Variants in PTCHD4 observed in about 807,000 individuals in gnomAD.
The protein encoded by PTCHD4 is patched domain-containing protein 4.
A neutral mutation model predicts 58.1 loss-of-function variants in PTCHD4; 33 were observed. That is an observed-to-expected ratio of 0.57 (90% confidence interval 0.43 to 0.76). PTCHD4 has a LOEUF of 0.76. Among genes scored for constraint, PTCHD4 ranks in the 30% least tolerant of loss-of-function variants. The pLI is 0.00. For missense variants in PTCHD4, 1,058 were observed against 1,027.1 expected (o/e 1.03, Z -0.41); for synonymous variants, 478 against 409.6 (o/e 1.17, Z -2.02).
chr6:48,045,287 C>T (rs1208243624), intron 3 of PTCHD4, among the ~76,000 whole-genome samples: 1 of 151,730 alleles, frequency 6.6e-6, no homozygotes, highest in Non-Finnish European at 1.5e-5. Flanking sequence ...TGGCCTAATC[C>T]TTTACTATGG....
At chr6:47,936,164 C>T (rs765988680) in intron 4 of PTCHD4, among the ~76,000 whole-genome samples, 7 of 152,138 alleles carry the variant, frequency 4.6e-5, no homozygotes, top group Non-Finnish European at 8.8e-5. Flanking sequence ...AAACAAGAGG[C>T]TATTGCAGTC....
chr6:47,974,521 G>C (rs77668201), intron 4 of PTCHD4, among the ~76,000 whole-genome samples: 6 of 151,890 alleles, frequency 4.0e-5, no homozygotes, highest in East Asian at 1.9e-4. Context: ...GTTGTTGTGG[G>C]GGGGGCTGTC....
chr6:48,094,269 C>T (rs552437973), intron 1 of PTCHD4, among the ~76,000 whole-genome samples: 2 of 152,180 alleles, frequency 1.3e-5, no homozygotes, highest in East Asian at 3.9e-4. Context: ...ATGGCACAAC[C>T]AGAGGACTAA....
In PTCHD4 at chr6:48,063,021, G is replaced by T. The variant is rs183015238; in HGVS notation, c.417+5209C>A. Among the ~76,000 whole-genome samples, 104 of 152,232 alleles carry T rather than the reference G, an allele frequency of 6.8e-4. 1 individual carries two copies. The highest frequency in any genetic ancestry group is 2.4e-3 in the African/African-American group (100 of 41,544). On this transcript the variant is annotated intron_variant, in intron 3 of 4. Coordinates refer to ENST00000339488, the MANE Select transcript of PTCHD4 (RefSeq NM_001384253.1). ...CCAGTACAGAAACCTAGGTCTCATA[G>T]AACTCAGGTCTCCTGAATATTTCTC...
At chr6:47,945,921 A>T (rs1371963228) in intron 4 of PTCHD4, among the ~76,000 whole-genome samples, 1 of 151,766 alleles carries the variant, frequency 6.6e-6, no homozygotes, top group African/African-American at 2.4e-5. Flanking sequence ...TGTTTTCTTA[A>T]GTAGTATTTT....
intron 4 of PTCHD4, among the ~76,000 whole-genome samples, chr6:47,935,690 C>A (rs964375138): frequency 1.1e-4 from 17 of 151,978 alleles, no homozygotes; most frequent in Admixed American, 1.0e-3. Flanking sequence ...ATTTATTCAA[C>A]AAATATATAG....
chr6:48,059,739 G>A (rs937757301), intron 3 of PTCHD4, among the ~76,000 whole-genome samples: 1 of 152,114 alleles, frequency 6.6e-6, no homozygotes, highest in Non-Finnish European at 1.5e-5. Flanking sequence ...GACCTATGCT[G>A]ACTCTCAAGA....
chr6:47,916,189 C>T (rs1342248936), intron 4 of PTCHD4, among the ~76,000 whole-genome samples: 1 of 152,038 alleles, frequency 6.6e-6, no homozygotes, highest in Non-Finnish European at 1.5e-5. Context: ...CTGATATTCT[C>T]CTCTCGGTTC....
chr6:47,935,022 G>A (rs919016666), intron 4 of PTCHD4, among the ~76,000 whole-genome samples: 6 of 151,996 alleles, frequency 3.9e-5, no homozygotes, highest in African/African-American at 1.4e-4. Context: ...AATATCTTAT[G>A]TTACTTGTTT....
chr6:48,076,794 G>A (rs1271887871), intron 1 of PTCHD4, among the ~76,000 whole-genome samples: 1 of 152,184 alleles, frequency 6.6e-6, no homozygotes, highest in East Asian at 1.9e-4. Context: ...ATGAATTTAT[G>A]GAGAAAAAAG....
chr6:47,940,431 A>G (rs547441072), intron 4 of PTCHD4, among the ~76,000 whole-genome samples: 1 of 152,252 alleles, frequency 6.6e-6, no homozygotes, highest in African/African-American at 2.4e-5. Flanking sequence ...TTAAAAAAAG[A>G]GAGAGAGAGG....
At chr6:47,994,735 GGGACTTCTCTGCCTTGGCTGAAATGCTAC>G (rs1768414374) in intron 4 of PTCHD4, among the ~76,000 whole-genome samples, 1 of 152,206 alleles carries the variant, frequency 6.6e-6, no homozygotes, top group Non-Finnish European at 1.5e-5. Flanking sequence ...TTTCCTTGGA[GGGACTTCTCTGCCTTGGCTGAAATGCTAC>G]GGAAACACAG....
intron 1 of PTCHD4, among the ~76,000 whole-genome samples, chr6:48,076,292 A>G (rs975678922): frequency 1.3e-5 from 2 of 152,184 alleles, no homozygotes; most frequent in African/African-American, 4.8e-5. Context: ...TGCTTTCTCC[A>G]CTGAAGTCTT....
chr6:48,068,693 C>A lies in PTCHD4; in HGVS notation c.6-52G>T, dbSNP rs1323385084. 3 of 1,483,290 alleles carry A rather than the reference C, an allele frequency of 2.0e-6. No homozygotes were observed. Among genetic ancestry groups the A allele is most frequent in the South Asian group, 2.6e-5 (2 of 75,564 alleles). 91.9% of individuals were successfully genotyped at this position (1,483,290 alleles called of 1,614,324 possible). Reference sequence around the variant, plus strand: ...AGCGCCGGGCTACCCCGTTCTCCCCCATCCCACCCCCTGGGGCCAGTCCCC... The same window carrying A: ...AGCGCCGGGCTACCCCGTTCTCCCCAATCCCACCCCCTGGGGCCAGTCCCC... On this transcript the variant is annotated intron_variant, in intron 2 of 4. Coordinates refer to ENST00000339488, the MANE Select transcript of PTCHD4 (RefSeq NM_001384253.1). This position sits in a 1 kb window ranked among gnomAD's most constrained non-coding sequence, Gnocchi z 4.2.
rs1187355842 is a variant in PTCHD4 at position 47,876,826 on chromosome 6, G to C, written c.*1477C>G. Among the ~76,000 whole-genome samples the C allele has an allele frequency of 6.6e-6, 1 of 151,974 alleles. No individual in the cohort carries two copies. Among genetic ancestry groups the C allele is most frequent in the Non-Finnish European group, 1.5e-5 (1 of 67,956 alleles). ...AAGTAAGCACCCAACAGGTGCTTGGGAGTAGTTTTAAACTTTAACTTAATG... is the reference window on the plus strand; with the variant it reads ...AAGTAAGCACCCAACAGGTGCTTGGCAGTAGTTTTAAACTTTAACTTAATG... On this transcript the variant is annotated 3_prime_UTR_variant, in exon 5 of 5. Transcript: ENST00000339488.
At chr6:48,035,990 C>T (rs1466074952) in intron 3 of PTCHD4, among the ~76,000 whole-genome samples, 1 of 152,056 alleles carries the variant, frequency 6.6e-6, no homozygotes, top group Admixed American at 6.6e-5. Flanking sequence ...TGAATAAACC[C>T]TGCCTTACAT....
rs891925058 is a variant in PTCHD4, at chr6:47,867,783, G to T, written c.*10520C>A. On this transcript the variant is annotated 3_prime_UTR_variant, in exon 5 of 5. Coordinates refer to ENST00000339488, the MANE Select transcript of PTCHD4 (RefSeq NM_001384253.1). The stretch of plus-strand genomic sequence containing the variant: ...CTTACTTTCCTTGAATACTCCAGCT[G>T]CAAATTTCCTCAACAGATCATGCAT... Among the ~76,000 whole-genome samples the T allele has an allele frequency of 6.6e-6, 1 of 151,652 alleles. No homozygotes were observed. The highest frequency in any genetic ancestry group is 6.6e-5 in the Admixed American group (1 of 15,176).
At chr6:47,983,545 C>G (rs1377328151) in intron 4 of PTCHD4, among the ~76,000 whole-genome samples, 1 of 152,078 alleles carries the variant, frequency 6.6e-6, no homozygotes, top group African/African-American at 2.4e-5. Context: ...GGGCAAATAA[C>G]TAAGATTTCC....
At chr6:48,031,730 C>T (rs1382219722) in intron 3 of PTCHD4, among the ~76,000 whole-genome samples, 3 of 152,020 alleles carry the variant, frequency 2.0e-5, no homozygotes, top group Admixed American at 6.6e-5. Flanking sequence ...ATACATTAAA[C>T]AAGGGATGGG....
Sources: allele counts gnomAD v4.1 joint callset (sites outside exome capture counted in the v4.1 genomes callset), GRCh38; gene constraint gnomAD v4.1.1; non-coding constraint Gnocchi (gnomAD v3.1); transcripts MANE v1.5; gene names NCBI Gene and HGNC (gene_info 2026-07-23, HGNC 2026-07-21).